CEP104: variants seen among roughly 807,000 people sequenced by gnomAD.
CEP104 encodes the protein centrosomal protein of 104 kDa.
Under a neutral mutation model 113.3 loss-of-function variants are expected in CEP104, and 84 were observed. That is an observed-to-expected ratio of 0.74 (90% CI 0.62 to 0.89). The LOEUF is 0.89. Ranked by LOEUF, CEP104 falls within the 40% of genes least tolerant of loss-of-function variation. The pLI, the probability that CEP104 is intolerant of heterozygous loss-of-function variation, is 0.00. For missense variants in CEP104, 1,053 were observed against 1,156.6 expected, an observed-to-expected ratio of 0.91 and a Z score of 1.30; for synonymous variants, 378 against 421.7, an observed-to-expected ratio of 0.90 and a Z score of 1.27.
intron 7 of CEP104, 74 bp downstream of exon 7, chr1:3,839,534 C>T: frequency 3.7e-6 from 5 of 1,343,524 alleles, no homozygotes; most frequent in South Asian, 1.4e-5. Context: ...TTTCTTTTAC[C>T]ATGTAGTTAT....
chr1:3,848,259 G>A (rs745379215), intron 3 of CEP104, among the ~76,000 whole-genome samples: 7 of 152,168 alleles, frequency 4.6e-5, no homozygotes, highest in South Asian at 2.1e-4. Context: ...AGGGCCGAGC[G>A]CGGTGACTCA....
Position 3,843,910 on chromosome 1 carries a change from C to T in CEP104, c.566+997G>A, listed in dbSNP as rs558812106. ...CCAAGTAGCTGGGATTACAGGTGCG[C>T]GCCACCACGCCTGGCTAATTTTTGT... On this transcript the variant is annotated intron_variant, in intron 6 of 21. Coordinates refer to ENST00000378230, the MANE Select transcript of CEP104 (RefSeq NM_014704.4). Among the ~76,000 whole-genome samples, 50 of 152,046 alleles carry T rather than the reference C, an allele frequency of 3.3e-4. No individual in the cohort carries two copies. The East Asian group carries it at 3.7e-3, about 11-fold the overall frequency.
In CEP104 at chr1:3,823,554, C is replaced by A. The variant is rs775159194; in HGVS notation, c.2373G>T (p.Glu791Asp). The A allele has an allele frequency of 6.2e-7, 1 of 1,614,220 alleles. No individual in the cohort carries two copies. Among genetic ancestry groups the A allele is most frequent in the South Asian group, 1.1e-5 (1 of 91,080 alleles). The change falls in exon 19 of 22, where the codon GAG becomes GAT. Residue 791 changes from glutamate to aspartate, a missense_variant. Glu to Asp is a conservative substitution (Grantham distance 45). Transcript: ENST00000378230. The surrounding 1 kb of genome is among the most constrained non-coding windows in gnomAD (Gnocchi z 4.1). ...TRCDHCKQVV[E>D]ISSLTEHLLT... ...GCAAGTGCTCCGTCAGACTGGATAT[C>A]TCGACCACCTGGATTTCGAAATACA... is the stretch of plus-strand genomic sequence containing the variant.
chr1:3,829,538 T>C (rs555483380), intron 14 of CEP104, among the ~76,000 whole-genome samples, 165 bp from the exon 15 acceptor site: 1 of 152,230 alleles, frequency 6.6e-6, no homozygotes, highest in Non-Finnish European at 1.5e-5. Flanking sequence ...TGGTGTCTAT[T>C]GATAGATAAA....
chr1:3,844,776 CCAAT>C (rs1300790304), intron 6 of CEP104, 127 bp downstream of exon 6: 1 of 582,602 alleles, frequency 1.7e-6, no homozygotes, highest in Non-Finnish European at 3.0e-6. Context: ...TTCAGACAAT[CCAAT>C]CAGTGGCTTA....
At chr1:3,820,384 G>T (rs772667651) in intron 20 of CEP104, among the ~76,000 whole-genome samples, 4 of 152,220 alleles carry the variant, frequency 2.6e-5, no homozygotes, top group Non-Finnish European at 5.9e-5. Context: ...ATAACCAGGG[G>T]AAAAGATGTA....
chr1:3,842,979 A>G, intron 6 of CEP104: 2 of 381,338 alleles, frequency 5.2e-6, no homozygotes, highest in Non-Finnish European at 9.5e-6. Context: ...TTAGAGAAGG[A>G]GTTTTACCAT....
At chr1:3,826,009 T>C (rs529917230) in intron 17 of CEP104, 143 bp from the exon 18 acceptor site, 142 of 695,344 alleles carry the variant, frequency 2.0e-4, no homozygotes, top group Non-Finnish European at 3.3e-4. Context: ...CTGCCTCAGT[T>C]TGCTCTGCAG....
At chr1:3,838,403 G>A (rs1644354329) in intron 8 of CEP104, among the ~76,000 whole-genome samples, 1 of 151,942 alleles carries the variant, frequency 6.6e-6, no homozygotes, top group Admixed American at 6.6e-5. Flanking sequence ...CTCCAGCCTT[G>A]GCCTCCCAAA....
intron 20 of CEP104, among the ~76,000 whole-genome samples, chr1:3,817,800 G>C (rs1557656663): frequency 6.6e-6 from 1 of 152,226 alleles, no homozygotes; most frequent in Admixed American, 6.5e-5. Context: ...GACAGTGGCA[G>C]ACACGTGGCA....
At chr1:3,850,540 C>A (rs747546158) in intron 2 of CEP104, among the ~76,000 whole-genome samples, 2 of 152,154 alleles carry the variant, frequency 1.3e-5, no homozygotes, top group African/African-American at 4.8e-5. Flanking sequence ...TTAACCGCCC[C>A]GTCAGTGTCT....
chr1:3,821,757 G>A (rs757634735), intron 20 of CEP104, among the ~76,000 whole-genome samples: 3 of 152,212 alleles, frequency 2.0e-5, no homozygotes, highest in East Asian at 1.9e-4. Flanking sequence ...CAGGTTAAGC[G>A]CCCCCAAGGG....
intron 12 of CEP104, among the ~76,000 whole-genome samples, chr1:3,831,864 C>T (rs1176460598): frequency 6.6e-6 from 1 of 152,228 alleles, no homozygotes; most frequent in Non-Finnish European, 1.5e-5. Context: ...TCTTATCGTG[C>T]TGGCCTGACT....
At position 3,815,181 on chromosome 1, in the gene CEP104, G is replaced by A. The variant is rs1182357712; in HGVS notation, c.*221C>T. 1.4e-5 allele frequency: 8 copies of A among 561,172 alleles called. No individual in the cohort carries two copies. Among genetic ancestry groups the A allele is most frequent in the Non-Finnish European group, 2.2e-5 (7 of 312,272 alleles). 34.8% of individuals were successfully genotyped at this position (561,172 alleles called of 1,614,324 possible). ...CAGCCCTGAAGGCTTAATGTACAGT[G>A]CGGCCAGGTCCTGGCACTGCACGCA... On this transcript the variant is annotated 3_prime_UTR_variant, in exon 22 of 22. Coordinates refer to ENST00000378230, the MANE Select transcript of CEP104 (RefSeq NM_014704.4).
In CEP104 at chr1:3,825,772, C is replaced by A; in HGVS notation, c.2350G>T (p.Asp784Tyr). 1 of 1,612,672 alleles carries A rather than the reference C, an allele frequency of 6.2e-7. No individual in the cohort carries two copies. The highest frequency in any genetic ancestry group is 1.1e-5 in the South Asian group (1 of 91,034). ...GCTGGCCTGACCTGTTTGCAGTGGT[C>A]ACATCTTGTCAGCATGAGACAGTGC... ...WKHCLMLTRC[D>Y]HCKQVVEISS... The change falls in exon 18 of 22, where the codon GAC becomes TAC. Residue 784 changes from aspartate (D) to tyrosine (Y), a missense_variant. Coordinates refer to ENST00000378230, the MANE Select transcript of CEP104 (RefSeq NM_014704.4).
intron 2 of CEP104, among the ~76,000 whole-genome samples, chr1:3,851,192 G>A (rs1270794744): frequency 6.6e-6 from 1 of 152,056 alleles, no homozygotes; most frequent in African/African-American, 2.4e-5. Context: ...GGTGACAAAG[G>A]CGCTGTCTGG....
At chr1:3,840,353 C>T (rs1013142784) in intron 6 of CEP104, among the ~76,000 whole-genome samples, 1 of 152,132 alleles carries the variant, frequency 6.6e-6, no homozygotes, top group East Asian at 1.9e-4. Flanking sequence ...TCTCCTGCCT[C>T]AGCCTCCTGA....
In CEP104 at chr1:3,838,431, G is replaced by A. The variant is rs189796659; in HGVS notation, c.891+533C>T. On this transcript the variant is annotated intron_variant, in intron 8 of 21. Transcript: ENST00000378230. ...CTCCCAAAGTGATGGGATTACAGGCGTGAGCCACCATGCCTGGCCTTGAGA... is the reference window on the plus strand; with the variant it reads ...CTCCCAAAGTGATGGGATTACAGGCATGAGCCACCATGCCTGGCCTTGAGA... 1.6e-4 allele frequency among the ~76,000 whole-genome samples: 24 copies of A among 152,258 alleles called. No homozygotes were observed. The East Asian group carries it at 2.3e-3, about 15-fold the overall frequency.
At chr1:3,828,003 A>G (rs907363781) in intron 15 of CEP104, among the ~76,000 whole-genome samples, 5 of 152,062 alleles carry the variant, frequency 3.3e-5, no homozygotes, top group African/African-American at 9.7e-5. Flanking sequence ...GAGGCTGTGC[A>G]GCCCATCAGC....
Sources: gnomAD v4.1 joint callset for allele counts (sites outside exome capture counted in the v4.1 genomes callset) on GRCh38, gnomAD v4.1.1 for gene constraint, Gnocchi (gnomAD v3.1) non-coding constraint, MANE v1.5 for transcripts, NCBI Gene and HGNC (gene_info 2026-07-23, HGNC 2026-07-21) for gene names.